The following CRNKL1 variants were observed in gnomAD, a reference collection of about 807,000 sequenced individuals.
The protein encoded by CRNKL1 is crooked neck pre-mRNA splicing factor 1, also known as crooked neck-like protein 1.
Under a neutral mutation model 103.7 loss-of-function variants are expected in CRNKL1, and 35 were observed. The observed-to-expected ratio is 0.34, with a 90% CI of 0.26 to 0.45. CRNKL1 has a LOEUF of 0.45. Among genes scored for constraint, CRNKL1 ranks in the 20% least tolerant of loss-of-function variants. The pLI, the probability that CRNKL1 is intolerant of heterozygous loss-of-function variation, is 1.00. For missense variants in CRNKL1, 645 were observed against 836.0 expected, an observed-to-expected ratio of 0.77 and a Z score of 2.82; for synonymous variants, 267 against 282.6, an observed-to-expected ratio of 0.94 and a Z score of 0.55.
At position 20,038,466 on chromosome 20, in the gene CRNKL1, A is replaced by C. The variant is rs757439711; in HGVS notation, c.1546-16T>G. 2.9e-4 allele frequency: 428 copies of C among 1,455,078 alleles called. No homozygotes were observed. The highest frequency in any genetic ancestry group is 3.9e-4 in the Non-Finnish European group (416 of 1,059,054). The allele number at this position is 1,455,078 out of a possible 1,614,324, so 90.1% of individuals were successfully genotyped here. ...TCCAAAGCACCTAAGGAAGAAAAGT[A>C]AATGGGTCAGTCTTGACATTTACAA... On this transcript the variant is annotated splice_polypyrimidine_tract_variant and intron_variant, in intron 11 of 13. Transcript: ENST00000536226.
Position 20,052,413 on chromosome 20 carries a change from G to T in CRNKL1, c.-71C>A, listed in dbSNP as rs1171614832. The T allele has an allele frequency of 6.2e-7, 1 of 1,614,216 alleles. No individual in the cohort carries two copies. Among genetic ancestry groups the T allele is most frequent in the Non-Finnish European group, 8.5e-7 (1 of 1,180,042 alleles). ...TAGAAATCGGCTCTGAGAGCTCACC[G>T]AAACCACAAAGCTTTCAGAAAACAA... On this transcript the variant is annotated 5_prime_UTR_variant, in exon 1 of 14. Coordinates refer to ENST00000536226, the MANE Select transcript of CRNKL1 (RefSeq NM_001278628.2).
intron 5 of CRNKL1, 36 bp downstream of exon 5, chr20:20,047,729 A>C (rs2043615938): frequency 6.3e-7 from 1 of 1,593,768 alleles, no homozygotes; most frequent in East Asian, 2.2e-5. Context: ...CATCCAGGAC[A>C]ATCATGGCAC....
intron 1 of CRNKL1, 69 bp from the exon 2 acceptor site, chr20:20,050,691 C>T (rs1299669572): frequency 7.1e-7 from 1 of 1,416,016 alleles, no homozygotes; most frequent in Non-Finnish European, 9.5e-7. Context: ...AACAAACATA[C>T]ATTTTTTAGG....
intron 13 of CRNKL1, among the ~76,000 whole-genome samples, chr20:20,037,010 C>G (rs569764023): frequency 6.6e-6 from 1 of 152,292 alleles, no homozygotes; most frequent in East Asian, 1.9e-4. Flanking sequence ...AGGCTCCTAT[C>G]TGAAAGTTCA....
chr20:20,050,596 T>C lies in CRNKL1; in HGVS notation c.78A>G (p.Val26=), dbSNP rs2043675927. The C allele has an allele frequency of 6.2e-7, 1 of 1,610,152 alleles. No individual in the cohort carries two copies. Among genetic ancestry groups the C allele is most frequent in the Non-Finnish European group, 8.5e-7 (1 of 1,178,980 alleles). ...TTAAGAGTTGTTCAGCAGTTATCTG[T>C]ACCTCAGCCGGGGCTTTGTTTTTCA... ...AKVKNKAPAE[V]QITAEQLLRE... The change falls in exon 2 of 14, where the codon GTA becomes GTG. Residue 26 remains valine (V), a synonymous_variant. Transcript: ENST00000536226.
At chr20:20,052,744 G>A, upstream of CRNKL1, 1 of 1,575,074 alleles carries the variant, frequency 6.3e-7, no homozygotes. Context: ...TAAGAACGGA[G>A]CTCCAATCTG....
chr20:20,039,938 A>G (rs941330360), intron 10 of CRNKL1, 90 bp from the exon 11 acceptor site: 1 of 1,367,394 alleles, frequency 7.3e-7, no homozygotes, highest in Non-Finnish European at 1.0e-6. Flanking sequence ...TTCTCTGCTG[A>G]GGAAGAATCT....
chr20:20,052,539 G>C (rs1190563583), upstream of CRNKL1: 1 of 1,614,082 alleles, frequency 6.2e-7, no homozygotes, highest in East Asian at 2.2e-5. Flanking sequence ...ACCAGGCTGC[G>C]CGTCCTCCTT....
chr20:20,054,017 T>G (rs28496182), upstream of CRNKL1, among the ~76,000 whole-genome samples: 117 of 147,682 alleles, frequency 7.9e-4, no homozygotes, highest in South Asian at 9.9e-3. Context: ...TTGTTTGTTT[T>G]TTTTTTTTTT....
chr20:20,053,347 C>T (rs2043924385), upstream of CRNKL1, among the ~76,000 whole-genome samples: 1 of 152,332 alleles, frequency 6.6e-6, no homozygotes, highest in African/African-American at 2.4e-5. Context: ...TACCTCTTCC[C>T]TCCTCTAACA....
Position 20,035,265 on chromosome 20 carries a change from T to C in CRNKL1, c.*930A>G, listed in dbSNP as rs2073313253. ...CACTAAGTTTGGGAAATAAATAATA[T>C]GGCAACATTGCTACTGGAGATACAT... On this transcript the variant is annotated 3_prime_UTR_variant, in exon 14 of 14. Coordinates refer to ENST00000536226, the MANE Select transcript of CRNKL1 (RefSeq NM_001278628.2). 2 of 152,216 alleles carry C rather than the reference T, an allele frequency of 1.3e-5. No homozygotes were observed. The highest frequency in any genetic ancestry group is 6.5e-5 in the Admixed American group (1 of 15,286). 9.4% of individuals were successfully genotyped at this position (152,216 alleles called of 1,614,324 possible). A position where few individuals can be genotyped will look rare whatever the true frequency, so the allele number is the denominator to read the frequency against.
chr20:20,046,469 A>T (rs1555822009), intron 5 of CRNKL1, among the ~76,000 whole-genome samples: 1 of 152,128 alleles, frequency 6.6e-6, no homozygotes, highest in Non-Finnish European at 1.5e-5. Flanking sequence ...AATAAAGTTG[A>T]CTCTCATTAT....
upstream of CRNKL1, among the ~76,000 whole-genome samples, chr20:20,054,013 G>GTTTTTT (rs1239349657): frequency 1.7e-4 from 10 of 59,090 alleles, no homozygotes; most frequent in Non-Finnish European, 3.2e-4. Flanking sequence ...TTTTTTGTTT[G>GTTTTTT]TTTTTTTTTT....
Position 20,036,335 on chromosome 20 carries a change from C to G in CRNKL1, c.1924G>C (p.Asp642His), listed in dbSNP as rs199577415. ...GSDAGWEEYF[D>H]YIFPEDAANQ... ...GCAGCATCTTCTGGAAAGATGTAAT[C>G]AAAGTATTCTTCCCAGCCTGCATCA... is the stretch of plus-strand genomic sequence containing the variant. The change falls in exon 14 of 14, where the codon GAT becomes CAT. Residue 642 changes from aspartate to histidine, a missense_variant. Asp to His is a moderately conservative substitution (Grantham distance 81). Coordinates refer to ENST00000536226, the MANE Select transcript of CRNKL1 (RefSeq NM_001278628.2). 8.1e-6 allele frequency: 13 copies of G among 1,613,946 alleles called. No individual in the cohort carries two copies. The highest frequency in any genetic ancestry group is 5.0e-5 in the Admixed American group (3 of 60,002).
At chr20:20,045,069 G>C (rs147816465) in intron 6 of CRNKL1, among the ~76,000 whole-genome samples, 2 of 152,046 alleles carry the variant, frequency 1.3e-5, no homozygotes, top group Non-Finnish European at 2.9e-5. Context: ...AGACTAAAAG[G>C]CTTAATTTTC....
At chr20:20,051,475 A>G (rs2043729206) in intron 1 of CRNKL1, among the ~76,000 whole-genome samples, 2 of 152,250 alleles carry the variant, frequency 1.3e-5, no homozygotes, top group African/African-American at 2.4e-5. Flanking sequence ...TAGCTGAATT[A>G]TAAAAAATGT....
Position 20,036,338 on chromosome 20 carries a change from A to C in CRNKL1, c.1921T>G (p.Phe641Val). ...GCATCTTCTGGAAAGATGTAATCAA[A>C]GTATTCTTCCCAGCCTGCATCAGAC... The part of the protein sequence containing the change: ...DGSDAGWEEY[F>V]DYIFPEDAAN... Residue 641 changes from phenylalanine to valine, a missense_variant, in exon 14 of 14, where the codon TTT becomes GTT. By Grantham distance (50) the Phe-to-Val change is conservative. Transcript: ENST00000536226. The C allele has an allele frequency of 6.2e-7, 1 of 1,614,214 alleles. No individual in the cohort carries two copies. Among genetic ancestry groups the C allele is most frequent in the Non-Finnish European group, 8.5e-7 (1 of 1,180,020 alleles).
chr20:20,050,538 G>C lies in CRNKL1; in HGVS notation c.136C>G (p.Pro46Ala). 6.2e-7 allele frequency: 1 copy of C among 1,613,774 alleles called. No individual in the cohort carries two copies. The highest frequency in any genetic ancestry group is 8.5e-7 in the Non-Finnish European group (1 of 1,179,736). The change falls in exon 2 of 14, where the codon CCA (proline) becomes GCA (alanine). Residue 46 changes from proline (P) to alanine (A), a missense_variant. Physicochemically the swap from Pro to Ala is conservative, Grantham distance 27 (BLOSUM62 -1). Around this residue, in one of 2 missense-constraint regions of CRNKL1, gnomAD observed 63 missense variants for 128.3 expected, o/e 0.49. Coordinates refer to ENST00000536226, the MANE Select transcript of CRNKL1 (RefSeq NM_001278628.2). The stretch of plus-strand genomic sequence containing the variant: ...GTGATCTTCTGTTGAGGTGGAGGTG[G>C]AAGAAGCTCAAGTTCTCTTTCTTTA... ...EAKERELELLPPPPQQKITDE... is the reference protein window; with the variant it reads ...EAKERELELLAPPPQQKITDE...
At chr20:20,052,794 T>C (rs748943056), upstream of CRNKL1, 19 of 1,427,266 alleles carry the variant, frequency 1.3e-5, no homozygotes, top group Non-Finnish European at 1.8e-5. Flanking sequence ...GCGAGGAAAC[T>C]ACCATTCCCA....
Sources: gnomAD v4.1 joint callset for allele counts (sites outside exome capture counted in the v4.1 genomes callset) on GRCh38, gnomAD v4.1.1 for gene constraint, gnomAD v4.1.1 regional missense constraint, MANE v1.5 for transcripts, NCBI Gene and HGNC (gene_info 2026-07-23, HGNC 2026-07-21) for gene names.